Variants in DOK5 observed in about 807,000 individuals in gnomAD.
DOK5 encodes the protein downstream of tyrosine kinase 5.
In DOK5, 27 loss-of-function variants were observed where a neutral mutation model predicts 43.3. The ratio of observed to expected loss-of-function variants is 0.62; its 90% CI spans 0.46 to 0.86. DOK5 has a LOEUF of 0.86. Ranked by LOEUF, DOK5 falls within the 40% of genes least tolerant of loss-of-function variation. The pLI is 0.00. For synonymous variants in DOK5, 146 were observed against 140.1 expected (o/e 1.04, Z -0.30); for missense variants, 373 against 392.9 (o/e 0.95, Z 0.43).
intron 6 of DOK5, among the ~76,000 whole-genome samples, chr20:54,621,844 G>A (rs1450880391): frequency 2.6e-5 from 4 of 152,124 alleles, no homozygotes; most frequent in Admixed American, 1.3e-4. Flanking sequence ...CACTGGCTCC[G>A]GTTCCCACAC....
chr20:54,619,940 G>A (rs921165512), intron 6 of DOK5, among the ~76,000 whole-genome samples: 6 of 152,090 alleles, frequency 3.9e-5, no homozygotes, highest in Admixed American at 2.6e-4. Flanking sequence ...GTGTGTAAAC[G>A]CTCTTTTCAC....
At chr20:54,501,335 T>C (rs559192684) in intron 1 of DOK5, among the ~76,000 whole-genome samples, 84 of 151,032 alleles carry the variant, frequency 5.6e-4, no homozygotes, top group Non-Finnish European at 1.0e-3. Context: ...GGCGTGGTGG[T>C]GGGCGCCTGT....
chr20:54,503,738 G>A (rs910455617), intron 1 of DOK5, among the ~76,000 whole-genome samples: 1 of 151,884 alleles, frequency 6.6e-6, no homozygotes, highest in African/African-American at 2.4e-5. Flanking sequence ...GGGATTTTGG[G>A]GATTATTTCT....
chr20:54,504,118 T>G (rs1394333630), intron 1 of DOK5, among the ~76,000 whole-genome samples: 1 of 152,090 alleles, frequency 6.6e-6, no homozygotes, highest in Non-Finnish European at 1.5e-5. Context: ...GAAGCTCACC[T>G]TCACCTTCCC....
Position 54,588,813 on chromosome 20 carries a change from A to G in DOK5, c.409+7A>G. The G allele has an allele frequency of 6.2e-7, 1 of 1,613,188 alleles. No individual in the cohort carries two copies. Among genetic ancestry groups the G allele is most frequent in the Non-Finnish European group, 8.5e-7 (1 of 1,179,502 alleles). On this transcript the variant is annotated splice_region_variant and intron_variant, in intron 4 of 7. Transcript: ENST00000262593. ...GTTGAGAGAGAACAGAGTGGTATGT[A>G]AAGAAAATTCTCTCCTCTCTCTTTC...
At chr20:54,591,885 G>A (rs1013245387) in intron 5 of DOK5, 80 bp downstream of exon 5, 27 of 1,306,690 alleles carry the variant, frequency 2.1e-5, no homozygotes, top group East Asian at 7.2e-5. Context: ...CATCATATGA[G>A]GCGGTAGGTT....
chr20:54,575,554 C>T (rs1343714364), intron 2 of DOK5, among the ~76,000 whole-genome samples: 1 of 152,166 alleles, frequency 6.6e-6, no homozygotes, highest in Non-Finnish European at 1.5e-5. Flanking sequence ...GATTATCCTG[C>T]CTCAGCCTCC....
intron 5 of DOK5, among the ~76,000 whole-genome samples, chr20:54,605,356 T>C (rs972539699): frequency 1.3e-5 from 2 of 152,242 alleles, no homozygotes; most frequent in Non-Finnish European, 2.9e-5. Context: ...ACAGAGTTTC[T>C]GAAGTTGGGC....
At chr20:54,490,313 T>C (rs1465341657) in intron 1 of DOK5, among the ~76,000 whole-genome samples, 1 of 152,200 alleles carries the variant, frequency 6.6e-6, no homozygotes, top group African/African-American at 2.4e-5. Context: ...TTGATAAATA[T>C]TATGTTGAAT....
chr20:54,542,443 A>C (rs930434935), intron 1 of DOK5, among the ~76,000 whole-genome samples: 1 of 152,224 alleles, frequency 6.6e-6, no homozygotes, highest in Non-Finnish European at 1.5e-5. Flanking sequence ...TTCTTTCTGC[A>C]GTGCTTCTGC....
At chr20:54,520,183 G>A (rs143442830) in intron 1 of DOK5, among the ~76,000 whole-genome samples, 2 of 152,150 alleles carry the variant, frequency 1.3e-5, no homozygotes, top group African/African-American at 2.4e-5. Context: ...CTCAGTAAAC[G>A]ACATCTCCAA....
At chr20:54,540,997 T>A (rs1484436242) in intron 1 of DOK5, among the ~76,000 whole-genome samples, 1 of 152,212 alleles carries the variant, frequency 6.6e-6, no homozygotes, top group East Asian at 1.9e-4. Context: ...CAGGCTTAGA[T>A]ATTTAATAGG....
At chr20:54,563,887 T>A (rs1600704366) in intron 2 of DOK5, among the ~76,000 whole-genome samples, 1 of 151,990 alleles carries the variant, frequency 6.6e-6, no homozygotes, top group South Asian at 2.1e-4. Flanking sequence ...GCCTTTAAAA[T>A]TTTTTTTAAA....
intron 1 of DOK5, among the ~76,000 whole-genome samples, chr20:54,532,790 C>A (rs529044273): frequency 2.4e-4 from 37 of 152,164 alleles, no homozygotes; most frequent in Admixed American, 4.6e-4. Flanking sequence ...CAGAGACCTG[C>A]GATCTGAGTG....
At chr20:54,510,853 A>G (rs1485726324) in intron 1 of DOK5, among the ~76,000 whole-genome samples, 1 of 152,168 alleles carries the variant, frequency 6.6e-6, no homozygotes, top group Non-Finnish European at 1.5e-5. Context: ...GAGTTGAAAG[A>G]GTAGCTCATT....
chr20:54,572,833 G>C (rs1055933673), intron 2 of DOK5, among the ~76,000 whole-genome samples: 2 of 152,136 alleles, frequency 1.3e-5, no homozygotes, highest in African/African-American at 4.8e-5. Context: ...GTTGGGAATG[G>C]TCCAACCATG....
At chr20:54,498,646 C>G (rs6014036) in intron 1 of DOK5, among the ~76,000 whole-genome samples, 2 of 152,064 alleles carry the variant, frequency 1.3e-5, no homozygotes, top group Admixed American at 1.3e-4. Flanking sequence ...TTTGCTGTTA[C>G]GTAGCAAAAT....
intron 1 of DOK5, among the ~76,000 whole-genome samples, chr20:54,522,524 T>C (rs1983442141): frequency 7.2e-6 from 1 of 139,638 alleles, no homozygotes; most frequent in Non-Finnish European, 1.5e-5. Flanking sequence ...CTTTCTTTCT[T>C]TTTTTTTTTT....
chr20:54,623,993 G>A (rs987548546), intron 6 of DOK5, among the ~76,000 whole-genome samples: 6 of 152,202 alleles, frequency 3.9e-5, no homozygotes, highest in South Asian at 2.1e-4. Flanking sequence ...TGATGGAGCC[G>A]AGAGCTCTTG....
Sources: gnomAD v4.1 joint callset for allele counts (sites outside exome capture counted in the v4.1 genomes callset) on GRCh38, gnomAD v4.1.1 for gene constraint, MANE v1.5 for transcripts, NCBI Gene and HGNC (gene_info 2026-07-23, HGNC 2026-07-21) for gene names.